Variants in CCT3 observed in about 807,000 individuals in gnomAD.
CCT3 encodes T-complex protein 1 subunit gamma.
In CCT3, 10 loss-of-function variants were observed where a neutral mutation model predicts 65.3. That is an observed-to-expected ratio of 0.15 (90% CI 0.09 to 0.26). The LOEUF is 0.26. Among genes scored for constraint, CCT3 ranks in the 10% least tolerant of loss-of-function variants. CCT3 has a pLI of 1.00. For synonymous variants in CCT3, 225 were observed against 242.3 expected (o/e 0.93, Z 0.66); for missense variants, 626 against 708.7 (o/e 0.88, Z 1.33).
chr1:156,322,880 G>C (rs151099346), intron 6 of CCT3, among the ~76,000 whole-genome samples: 1 of 152,036 alleles, frequency 6.6e-6, no homozygotes, highest in Non-Finnish European at 1.5e-5. Flanking sequence ...CTTTCTAAGC[G>C]TGAAGCTCCA....
intron 7 of CCT3, 26 bp downstream of exon 7, chr1:156,320,813 C>G: frequency 6.9e-7 from 1 of 1,459,738 alleles, no homozygotes; most frequent in South Asian, 1.2e-5. Flanking sequence ...ATAATTTGAC[C>G]CAATGTATAC....
chr1:156,315,079 C>T lies in CCT3; in HGVS notation c.974+2087G>A, dbSNP rs191928081. Among the ~76,000 whole-genome samples, 1,438 of 152,196 alleles carry T rather than the reference C, an allele frequency of 9.4e-3. 22 individuals are homozygous for T. The highest frequency in any genetic ancestry group is 0.033 in the African/African-American group (1,378 of 41,488). ...TCCTGCCTCCCCTTCTACCACTCTT[C>T]TGCCTCTGACACCCAAGACAGAAAG... is the stretch of plus-strand genomic sequence containing the variant. On this transcript the variant is annotated intron_variant, in intron 10 of 13. Coordinates refer to ENST00000295688, the MANE Select transcript of CCT3 (RefSeq NM_005998.5).
Position 156,338,222 on chromosome 1 carries a change from G to A in CCT3, c.-38C>T, listed in dbSNP as rs745709145. 1.5e-5 allele frequency: 23 copies of A among 1,568,674 alleles called. No homozygotes were observed. Among genetic ancestry groups the A allele is most frequent in the Non-Finnish European group, 1.7e-5 (20 of 1,156,852 alleles). On this transcript the variant is annotated 5_prime_UTR_variant, in exon 1 of 14. Transcript: ENST00000295688. ...CAGAGCCGGGTACCCAGAGCTGGGG[G>A]AACCGGCAGAACCTTCTGGAGAGAG...
intron 1 of CCT3, among the ~76,000 whole-genome samples, chr1:156,336,433 C>A (rs942027844): frequency 6.6e-6 from 1 of 152,162 alleles, no homozygotes; most frequent in African/African-American, 2.4e-5. Context: ...CATACTCTAA[C>A]AGGTCCAGCA....
chr1:156,317,277 T>G (rs1352514815), intron 9 of CCT3, 30 bp from the exon 10 acceptor site: 1 of 1,611,062 alleles, frequency 6.2e-7, no homozygotes, highest in Non-Finnish European at 8.5e-7. Context: ...GATGTCAAGC[T>G]GGGTTCTGAA....
In CCT3 at chr1:156,311,100, A is replaced by C; in HGVS notation, c.1251T>G (p.Ala417=). 1 of 1,613,990 alleles carries C rather than the reference A, an allele frequency of 6.2e-7. No homozygotes were observed. Among genetic ancestry groups the C allele is most frequent in the Non-Finnish European group, 8.5e-7 (1 of 1,179,964 alleles). Residue 417 remains alanine (A), a synonymous_variant, in exon 12 of 14, where the codon GCT becomes GCG. Coordinates refer to ENST00000295688, the MANE Select transcript of CCT3 (RefSeq NM_005998.5). ...ATTTTTCTGTCAAGGCATGGGCCAC[A>C]GCCATCTCGGAGGCCCCACCCCCTG... ...LVPGGGASEM[A]VAHALTEKSK...
At chr1:156,317,652 C>A (rs181504113) in intron 8 of CCT3, 105 bp from the exon 9 acceptor site, 2 of 1,098,864 alleles carry the variant, frequency 1.8e-6, no homozygotes, top group Non-Finnish European at 2.6e-6. Context: ...ATCTCAGAGT[C>A]AGAATTATGT....
At chr1:156,326,629 C>T (rs1310805538) in intron 5 of CCT3, among the ~76,000 whole-genome samples, 63 of 121,628 alleles carry the variant, frequency 5.2e-4, no homozygotes, top group Non-Finnish European at 1.8e-4. Context: ...CAGCCTAAGC[C>T]ACAGAGTGAG....
intron 7 of CCT3, among the ~76,000 whole-genome samples, chr1:156,319,521 C>T (rs768888390): frequency 6.6e-6 from 1 of 152,090 alleles, no homozygotes; most frequent in Admixed American, 6.6e-5. Flanking sequence ...GACCATGACA[C>T]TCAACTTGAA....
chr1:156,312,063 C>T lies in CCT3; in HGVS notation c.1133G>A (p.Gly378Glu). 1 of 1,611,562 alleles carries T rather than the reference C, an allele frequency of 6.2e-7. No homozygotes were observed. The highest frequency in any genetic ancestry group is 8.5e-7 in the Non-Finnish European group (1 of 1,178,872). The change falls in exon 11 of 14, where the codon GGG becomes GAG. Residue 378 changes from glycine to glutamate, a missense_variant. By Grantham distance (98) the Gly-to-Glu change is moderately conservative (BLOSUM62 -2). Transcript: ENST00000295688. Reference protein sequence around the residue: ...DPKACTILLRGASKEILSEVE... With the variant: ...DPKACTILLREASKEILSEVE... ...CACCGAGAGAATCTCTTTGCTAGCCCCCCGGAGGAGAATGGTGCAGGCCTT... is the reference window on the plus strand; with the variant it reads ...CACCGAGAGAATCTCTTTGCTAGCCTCCCGGAGGAGAATGGTGCAGGCCTT...
rs1664061724 is a variant in CCT3 at position 156,310,956 on chromosome 1, G to T, written c.1395C>A (p.Ser465=). The stretch of plus-strand genomic sequence containing the variant: ...AGCTTGGAGAGGAACTCACCCGAAG[G>T]GAGGTAAGTAGACGGATGGTGCTGG... ...CGASTIRLLT[S]LRAKHTQENC... The change falls in exon 12 of 14, where the codon TCC becomes TCA. Residue 465 remains serine, a synonymous_variant. Coordinates refer to ENST00000295688, the MANE Select transcript of CCT3 (RefSeq NM_005998.5). The T allele has an allele frequency of 6.2e-7, 1 of 1,613,756 alleles. No individual in the cohort carries two copies. The highest frequency in any genetic ancestry group is 1.7e-5 in the Admixed American group (1 of 59,964).
At chr1:156,325,162 C>T (rs1558269874) in intron 5 of CCT3, 73 bp from the exon 6 acceptor site, 3 of 1,051,538 alleles carry the variant, frequency 2.9e-6, no homozygotes, top group East Asian at 4.8e-5. Flanking sequence ...AATTATTCTT[C>T]CAAAAAATAC....
intron 10 of CCT3, among the ~76,000 whole-genome samples, chr1:156,313,549 T>C (rs141311473): frequency 0.01 from 1,588 of 152,320 alleles, 29 homozygotes; most frequent in African/African-American, 0.036. Context: ...GTCAAGTTTA[T>C]GTCTTGTAGT....
chr1:156,328,031 GA>G (rs1664914768), intron 5 of CCT3, among the ~76,000 whole-genome samples: 1 of 9,738 alleles, frequency 1.0e-4, no homozygotes, highest in Non-Finnish European at 2.0e-4. Flanking sequence ...CCCCGTCCGG[GA>G]GGGAGGTGGG....
chr1:156,310,145 A>G (rs1198338784), intron 13 of CCT3, among the ~76,000 whole-genome samples: 2 of 152,022 alleles, frequency 1.3e-5, no homozygotes, highest in African/African-American at 4.8e-5. Flanking sequence ...TTAAAGAGAT[A>G]GAATGCCTTG....
In CCT3 at chr1:156,334,790, A is replaced by G. The variant is rs1466524382; in HGVS notation, c.145-15T>C. 6.2e-7 allele frequency: 1 copy of G among 1,614,118 alleles called. No homozygotes were observed. Among genetic ancestry groups the G allele is most frequent in the South Asian group, 1.1e-5 (1 of 91,090 alleles). On this transcript the variant is annotated splice_polypyrimidine_tract_variant and intron_variant, in intron 3 of 13. Coordinates refer to ENST00000295688, the MANE Select transcript of CCT3 (RefSeq NM_005998.5). The stretch of plus-strand genomic sequence containing the variant: ...TCCAAAAGCATCTAAGATGAAAGCA[A>G]AAGTTATATTTAAAGTGTCCTAGAT...
chr1:156,325,132 G>C, intron 5 of CCT3, 43 bp from the exon 6 acceptor site: 1 of 1,332,724 alleles, frequency 7.5e-7, no homozygotes, highest in Non-Finnish European at 1.1e-6. Flanking sequence ...AAAGCATCTG[G>C]ATATCAAGGC....
Position 156,317,217 on chromosome 1 carries a change from T to C in CCT3, c.923A>G (p.Asn308Ser), listed in dbSNP as rs565786903. 33 of 1,614,212 alleles carry C rather than the reference T, an allele frequency of 2.0e-5. No individual in the cohort carries two copies. The East Asian group carries it at 4.9e-4, about 24-fold the overall frequency. The change falls in exon 10 of 14, where the codon AAT (asparagine) becomes AGT (serine). Residue 308 changes from asparagine to serine, a missense_variant. By Grantham distance (46) the Asn-to-Ser change is conservative. Transcript: ENST00000295688. ...DLAQHYLMRA[N>S]ITAIRRVRKT... ...CCGGACTCTGCGGATGGCTGTGATA[T>C]TGGCCCGCATAAGGTAGTGCTGAGC...
chr1:156,329,292 C>T (rs1665001243), intron 5 of CCT3, among the ~76,000 whole-genome samples: 3 of 146,652 alleles, frequency 2.0e-5, no homozygotes, highest in African/African-American at 5.0e-5. Context: ...TGTCTCAGAA[C>T]GTATCCCCAT....
Sources: gnomAD v4.1 joint callset for allele counts (sites outside exome capture counted in the v4.1 genomes callset) on GRCh38, gnomAD v4.1.1 for gene constraint, MANE v1.5 for transcripts, NCBI Gene and HGNC (gene_info 2026-07-23, HGNC 2026-07-21) for gene names.